CSMD1: variants seen among roughly 807,000 people sequenced by gnomAD.
CSMD1 encodes CUB and sushi domain-containing protein 1.
A neutral mutation model predicts 417.5 loss-of-function variants in CSMD1; 213 were observed. The observed-to-expected ratio is 0.51, with a 90% CI of 0.46 to 0.57. CSMD1 has a LOEUF of 0.57. CSMD1 is among the 20% of genes least tolerant of loss of function. CSMD1 has a pLI of 0.00. For missense variants in CSMD1, 6,923 were observed against 4,529.7 expected (o/e 1.53, Z -15.17); for synonymous variants, 2,862 against 1,736.8 (o/e 1.65, Z -16.11).
At chr8:3,285,351 C>T (rs1212856142) in intron 25 of CSMD1, among the ~76,000 whole-genome samples, 3 of 151,056 alleles carry the variant, frequency 2.0e-5, no homozygotes, top group Non-Finnish European at 1.5e-5. Flanking sequence ...GATAGTAGAT[C>T]TTTATTTTCC....
rs1231602541 is a variant in CSMD1 at position 4,414,027 on chromosome 8, ACGTTCTTGAAAAGGAAACATTTCTATCC to A, written c.415+5898_415+5925del. On this transcript the variant is annotated intron_variant, in intron 3 of 69. Transcript: ENST00000635120. ...AGCCAGCTGCTCTTCTTGTGCTAGC[ACGTTCTTGAAAAGGAAACATTTCTATCC>A]TGCCAGGTGCATCATGCATGCTCCA... 8.4e-4 allele frequency among the ~76,000 whole-genome samples: 128 copies of A among 152,334 alleles called. 1 individual carries two copies. In the East Asian group the frequency reaches 0.02, roughly 23 times the overall value.
chr8:3,362,122 C>T (rs926828881), intron 20 of CSMD1, among the ~76,000 whole-genome samples: 8 of 152,208 alleles, frequency 5.3e-5, no homozygotes, highest in Admixed American at 3.3e-4. Flanking sequence ...ATGCGTTACA[C>T]GGTCAATCTT....
At chr8:3,205,011 G>A (rs906322895) in intron 31 of CSMD1, among the ~76,000 whole-genome samples, 5 of 152,200 alleles carry the variant, frequency 3.3e-5, no homozygotes, top group Admixed American at 3.3e-4. Flanking sequence ...GGAAGTCAGG[G>A]TTCAGCAGGT....
At chr8:3,317,671 G>C (rs1805864500) in intron 23 of CSMD1, among the ~76,000 whole-genome samples, 1 of 152,106 alleles carries the variant, frequency 6.6e-6, no homozygotes, top group Non-Finnish European at 1.5e-5. Context: ...ACAGTTATCT[G>C]GTTAATACTA....
intron 3 of CSMD1, among the ~76,000 whole-genome samples, chr8:4,284,561 G>C (rs1235701792): frequency 1.3e-5 from 2 of 152,142 alleles, no homozygotes; most frequent in African/African-American, 4.8e-5. Flanking sequence ...CAGCCCCAAC[G>C]TTTATTGGGC....
chr8:4,837,172 G>A (rs953871411), intron 1 of CSMD1, among the ~76,000 whole-genome samples: 7 of 152,136 alleles, frequency 4.6e-5, no homozygotes, highest in Non-Finnish European at 1.0e-4. Context: ...ACACATGCGG[G>A]TGAGGATGGG....
chr8:4,465,487 C>T (rs1006639392), intron 2 of CSMD1, among the ~76,000 whole-genome samples: 3 of 152,126 alleles, frequency 2.0e-5, no homozygotes, highest in Non-Finnish European at 2.9e-5. Flanking sequence ...GGTTCGTCGT[C>T]CTCCCAAGAG....
At chr8:4,021,708 C>A (rs1227743790) in intron 4 of CSMD1, among the ~76,000 whole-genome samples, 1 of 152,096 alleles carries the variant, frequency 6.6e-6, no homozygotes, top group Non-Finnish European at 1.5e-5. Flanking sequence ...ATTTTTTTCT[C>A]TATGTATTGT....
intron 5 of CSMD1, among the ~76,000 whole-genome samples, chr8:3,798,014 A>G (rs1259994772): frequency 6.6e-6 from 1 of 151,990 alleles, no homozygotes; most frequent in Non-Finnish European, 1.5e-5. Context: ...ATTGATGTTG[A>G]TAAACTTTTC....
At chr8:3,710,108 C>T (rs1375855860) in intron 6 of CSMD1, among the ~76,000 whole-genome samples, 1 of 146,146 alleles carries the variant, frequency 6.8e-6, no homozygotes, top group Non-Finnish European at 1.5e-5. Context: ...TTTACGCATT[C>T]ATGACACACC....
intron 1 of CSMD1, among the ~76,000 whole-genome samples, chr8:4,805,598 A>G (rs933148458): frequency 6.6e-6 from 1 of 152,200 alleles, no homozygotes; most frequent in East Asian, 1.9e-4. Context: ...CTGAGCCAAA[A>G]CTGAGGAAGT....
At chr8:4,642,145 G>C (rs943905879) in intron 1 of CSMD1, among the ~76,000 whole-genome samples, 27 of 152,208 alleles carry the variant, frequency 1.8e-4, no homozygotes, top group African/African-American at 6.3e-4. Flanking sequence ...AGATGGGCAA[G>C]TGCTCGGCAA....
At chr8:3,445,550 A>G (rs1433959046) in intron 12 of CSMD1, among the ~76,000 whole-genome samples, 2 of 152,182 alleles carry the variant, frequency 1.3e-5, no homozygotes, top group African/African-American at 4.8e-5. Flanking sequence ...TTTTAATAGA[A>G]CAGACTTCTT....
intron 2 of CSMD1, among the ~76,000 whole-genome samples, chr8:4,508,218 C>T (rs1233925912): frequency 6.6e-6 from 1 of 151,098 alleles, no homozygotes; most frequent in Non-Finnish European, 1.5e-5. Flanking sequence ...TGATACCGCC[C>T]ATACTCAGTT....
At chr8:3,765,749 T>C (rs960162416) in intron 5 of CSMD1, among the ~76,000 whole-genome samples, 3 of 152,154 alleles carry the variant, frequency 2.0e-5, no homozygotes, top group Non-Finnish European at 4.4e-5. Context: ...GGGGGTGAGA[T>C]CTGGCATCCT....
chr8:3,096,380 T>C (rs955452141), intron 47 of CSMD1, among the ~76,000 whole-genome samples: 3 of 152,148 alleles, frequency 2.0e-5, no homozygotes, highest in Non-Finnish European at 2.9e-5. Flanking sequence ...GCTGTTCTCC[T>C]GATAGTAAGT....
chr8:3,263,416 A>G (rs550025253), intron 26 of CSMD1, among the ~76,000 whole-genome samples: 5 of 152,258 alleles, frequency 3.3e-5, no homozygotes, highest in Admixed American at 6.5e-5. Flanking sequence ...ATCCACTGTT[A>G]CAGTTGTATT....
chr8:4,232,512 A>C (rs903931099), intron 3 of CSMD1, among the ~76,000 whole-genome samples: 1 of 152,290 alleles, frequency 6.6e-6, no homozygotes, highest in East Asian at 1.9e-4. Context: ...CATGTCCTTT[A>C]AATTACACAC....
chr8:4,632,801 T>C (rs1352128925), intron 2 of CSMD1, among the ~76,000 whole-genome samples: 2 of 151,990 alleles, frequency 1.3e-5, no homozygotes, highest in East Asian at 3.9e-4. Flanking sequence ...CTGAAATAAA[T>C]ATAATGTGCA....
Sources: gnomAD v4.1 joint callset for allele counts (sites outside exome capture counted in the v4.1 genomes callset) on GRCh38, gnomAD v4.1.1 for gene constraint, MANE v1.5 for transcripts, NCBI Gene and HGNC (gene_info 2026-07-23, HGNC 2026-07-21) for gene names.